GLB1: variants seen among roughly 807,000 people sequenced by gnomAD.
The protein encoded by GLB1 is beta-galactosidase.
Under a neutral mutation model 74.0 loss-of-function variants are expected in GLB1, and 56 were observed. The observed-to-expected ratio is 0.76, with a 90% CI of 0.61 to 0.94. The LOEUF (loss-of-function observed/expected upper bound fraction) is 0.94. Among genes scored for constraint, GLB1 ranks in the 40% least tolerant of loss-of-function variants. The pLI, the probability that GLB1 is intolerant of heterozygous loss-of-function variation, is 0.00. For missense variants in GLB1, 787 were observed against 845.5 expected (o/e 0.93, Z 0.86); for synonymous variants, 323 against 323.6 (o/e 1.00, Z 0.02).
At chr3:32,992,984 G>C (rs546535140), downstream of GLB1, among the ~76,000 whole-genome samples, 1 of 152,304 alleles carries the variant, frequency 6.6e-6, no homozygotes, top group South Asian at 2.1e-4. Flanking sequence ...ACATCGGGGC[G>C]ATTTTCCTTG....
At chr3:33,092,885 C>A in intron 1 of GLB1, 2 of 1,613,672 alleles carry the variant, frequency 1.2e-6, no homozygotes, top group Non-Finnish European at 1.7e-6. Context: ...TGCTACCCAG[C>A]CTCATGGGTA....
rs1217883210 is a variant in GLB1, at chr3:33,034,452, A to T, written c.1069-10127T>A. 10 of 731,460 alleles carry T rather than the reference A, an allele frequency of 1.4e-5. No individual in the cohort carries two copies. In the Admixed American group the frequency reaches 1.5e-4, roughly 11 times the overall value. 45.3% of individuals were successfully genotyped at this position (731,460 alleles called of 1,614,324 possible). On this transcript the variant is annotated intron_variant, in intron 10 of 15. Transcript: ENST00000307363. Reference sequence around the variant, plus strand: ...AACCTCTTCAAGGATGGCCAGTGGAAGGAGAGCAGAAGCTGGAAGCACAGT... The same window carrying T: ...AACCTCTTCAAGGATGGCCAGTGGATGGAGAGCAGAAGCTGGAAGCACAGT...
intron 10 of GLB1, among the ~76,000 whole-genome samples, chr3:33,027,684 A>G (rs1355281020): frequency 1.3e-5 from 2 of 152,182 alleles, no homozygotes; most frequent in Non-Finnish European, 2.9e-5. Flanking sequence ...TGGGAGGCTG[A>G]GACATGAAAA....
intron 1 of GLB1, among the ~76,000 whole-genome samples, chr3:33,073,893 A>G (rs1699984764): frequency 6.7e-6 from 1 of 149,606 alleles, no homozygotes; most frequent in South Asian, 2.1e-4. Context: ...GCTTGGTGGC[A>G]CACGCCTATG....
intron 1 of GLB1, among the ~76,000 whole-genome samples, chr3:33,078,472 C>G (rs796170455): frequency 3.9e-5 from 6 of 152,248 alleles, no homozygotes; most frequent in African/African-American, 1.4e-4. Context: ...TGATTTAACA[C>G]GAAGTACAGT....
At chr3:33,072,454 A>C (rs1699919039) in intron 2 of GLB1, 90 bp downstream of exon 2, 3 of 1,580,398 alleles carry the variant, frequency 1.9e-6, no homozygotes. Context: ...TTTCTGAGCA[A>C]TAAAATAGCC....
chr3:33,009,105 A>G (rs1395843819), intron 15 of GLB1, among the ~76,000 whole-genome samples: 1 of 144,532 alleles, frequency 6.9e-6, no homozygotes, highest in African/African-American at 2.6e-5. Flanking sequence ...GGCAACAAGA[A>G]TGAAACTCCA....
chr3:33,034,055 T>TG (rs560829984), intron 10 of GLB1: 178 of 551,608 alleles, frequency 3.2e-4, no homozygotes, highest in Middle Eastern at 9.2e-4. Flanking sequence ...GCAAGTGGCC[T>TG]GGGCTCACCC....
At chr3:33,072,788 A>G in intron 1 of GLB1, 75 bp from the exon 2 acceptor site, 1 of 1,588,466 alleles carries the variant, frequency 6.3e-7, no homozygotes, top group Non-Finnish European at 8.6e-7. Flanking sequence ...GAGAGTAGCA[A>G]GTGACTCTCT....
chr3:33,043,625 G>A (rs1176468792), intron 10 of GLB1, among the ~76,000 whole-genome samples: 1 of 151,890 alleles, frequency 6.6e-6, no homozygotes, highest in Non-Finnish European at 1.5e-5. Context: ...ATATCAAGAA[G>A]TACAATGAAT....
chr3:33,019,877 G>T (rs139993284), intron 12 of GLB1, among the ~76,000 whole-genome samples: 558 of 152,226 alleles, frequency 3.7e-3, no homozygotes, highest in Middle Eastern at 0.014. Flanking sequence ...GCCCTTTGGG[G>T]TTTTTTGCTG....
intron 1 of GLB1, 39 bp from the exon 2 acceptor site, chr3:33,072,752 T>C: frequency 6.2e-7 from 1 of 1,613,430 alleles, no homozygotes; most frequent in Non-Finnish European, 8.5e-7. Flanking sequence ...AACTTCCACC[T>C]TCTGCATTTC....
intron 1 of GLB1, among the ~76,000 whole-genome samples, chr3:33,087,254 A>C (rs1700544163): frequency 6.6e-6 from 1 of 152,038 alleles, no homozygotes; most frequent in Non-Finnish European, 1.5e-5. Context: ...ATAGCTATTA[A>C]AAAGATTGAA....
At chr3:32,987,049 G>A in the GLB1 span, among the ~76,000 whole-genome samples, 47 of 152,170 alleles carry the variant, frequency 3.1e-4, no homozygotes, top group Non-Finnish European at 5.3e-4. Context: ...TACCATGAGC[G>A]TTGGCTGCTA....
chr3:33,064,672 G>C (rs368921711), intron 5 of GLB1, among the ~76,000 whole-genome samples: 1 of 150,894 alleles, frequency 6.6e-6, no homozygotes, highest in East Asian at 2.0e-4. Context: ...AGCTACATGG[G>C]AGGCTGAGGT....
At chr3:32,994,816 G>A (rs1696279185), downstream of GLB1, among the ~76,000 whole-genome samples, 1 of 151,742 alleles carries the variant, frequency 6.6e-6, no homozygotes, top group African/African-American at 2.4e-5. Context: ...AGCTACTCTG[G>A]AGGCTGAGGC....
intron 1 of GLB1, chr3:33,077,192 T>C (rs762617462): frequency 1.3e-6 from 2 of 1,492,408 alleles, no homozygotes; most frequent in Non-Finnish European, 1.8e-6. Context: ...AGCTGAGACT[T>C]AGGCGCTTGC....
rs1698988963 is a variant in GLB1, at chr3:33,051,615, A to AAGAAAG, written c.955+142_955+143insCTTTCT. ...GTGAGACTGTCTACAAAAAAAAAAA[A>AAGAAAG]AAAAGAAAAAGAAAAAAAAAGAAAA... On this transcript the variant is annotated intron_variant, in intron 9 of 15. Coordinates refer to ENST00000307363, the MANE Select transcript of GLB1 (RefSeq NM_000404.4). 3.0e-5 allele frequency: 35 copies of AAGAAAG among 1,178,020 alleles called. No individual in the cohort carries two copies. In the South Asian group the frequency reaches 5.5e-4, roughly 18 times the overall value. The allele number at this position is 1,178,020 out of a possible 1,614,324, so 73.0% of individuals were successfully genotyped here.
At chr3:33,066,148 G>A (rs549038599) in intron 4 of GLB1, among the ~76,000 whole-genome samples, 6 of 152,100 alleles carry the variant, frequency 3.9e-5, no homozygotes, top group African/African-American at 7.2e-5. Flanking sequence ...CTCAGGGGAC[G>A]AGGACCAGTG....
Sources: allele counts gnomAD v4.1 joint callset (sites outside exome capture counted in the v4.1 genomes callset), GRCh38; gene constraint gnomAD v4.1.1; transcripts MANE v1.5; gene names NCBI Gene and HGNC (gene_info 2026-07-23, HGNC 2026-07-21).